EPN1: variants seen among roughly 807,000 people sequenced by gnomAD.
EPN1 encodes the protein epsin 1.
Under a neutral mutation model 56.9 loss-of-function variants are expected in EPN1, and 25 were observed. That is an observed-to-expected ratio of 0.44 (90% CI 0.32 to 0.61). The LOEUF (loss-of-function observed/expected upper bound fraction) is 0.61. EPN1 is among the 20% of genes least tolerant of loss of function. The probability of loss-of-function intolerance (pLI) is 0.05; values close to 1 mark genes in which losing one functional copy is unlikely to be tolerated. For missense variants in EPN1, 785 were observed against 823.7 expected (o/e 0.95, Z 0.58); for synonymous variants, 411 against 361.8 (o/e 1.14, Z -1.54).
intron 2 of EPN1, among the ~76,000 whole-genome samples, chr19:55,680,953 G>T (rs1193092840): frequency 2.0e-5 from 3 of 152,240 alleles, no homozygotes; most frequent in Non-Finnish European, 4.4e-5. Context: ...CCCAGGTGGT[G>T]GGTTGTGCAG....
chr19:55,677,458 A>G (rs1282169388), intron 1 of EPN1: 3 of 743,870 alleles, frequency 4.0e-6, no homozygotes, highest in Admixed American at 2.8e-5. Flanking sequence ...GGTTAATTTA[A>G]AAGTATGAGT....
intron 2 of EPN1, 71 bp downstream of exon 2, chr19:55,678,926 A>C: frequency 9.1e-7 from 1 of 1,096,444 alleles, no homozygotes. Flanking sequence ...CGTGTTGTGC[A>C]CCCTGCCTGG....
chr19:55,677,787 C>G, intron 1 of EPN1: 1 of 1,451,256 alleles, frequency 6.9e-7, no homozygotes, highest in Non-Finnish European at 9.1e-7. Flanking sequence ...GCCTTCTTTC[C>G]CATGTGTCCT....
Position 55,698,291 on chromosome 19 carries a change from C to G in EPN1, c.*2935C>G, listed in dbSNP as rs576619041. On this transcript the variant is annotated 3_prime_UTR_variant, in exon 11 of 11. Transcript: ENST00000270460. ...CTCAGGAGCAGATGTGCTTCTGACC[C>G]GACGTCTTCCCCCAGAGAGGGCTGA... The G allele has an allele frequency of 6.6e-6, 1 of 152,182 alleles. No individual in the cohort carries two copies. Among genetic ancestry groups the G allele is most frequent in the Admixed American group, 6.6e-5 (1 of 15,256 alleles). 9.4% of individuals were successfully genotyped at this position (152,182 alleles called of 1,614,324 possible).
At chr19:55,682,799 C>T (rs1437667410) in intron 2 of EPN1, among the ~76,000 whole-genome samples, 1 of 149,694 alleles carries the variant, frequency 6.7e-6, no homozygotes, top group Non-Finnish European at 1.5e-5. Flanking sequence ...CTGTGTTGCC[C>T]AGGCTGGAGT....
chr19:55,693,880 G>A (rs1005954840), intron 9 of EPN1, among the ~76,000 whole-genome samples: 2 of 152,048 alleles, frequency 1.3e-5, no homozygotes, highest in African/African-American at 4.8e-5. Flanking sequence ...ATACAAATGT[G>A]TGCATTTTTT....
chr19:55,695,440 G>GGGGGT lies in EPN1; in HGVS notation c.*88_*89insTGGGG. ...TCAGTGTTGTGAGTGCATGTGAAAT[G>GGGGGT]GGGGATCCCCACCCCCAGTGCCCTT... is the stretch of plus-strand genomic sequence containing the variant. On this transcript the variant is annotated 3_prime_UTR_variant, in exon 11 of 11. Coordinates refer to ENST00000270460, the MANE Select transcript of EPN1 (RefSeq NM_001130072.2). The surrounding 1 kb of genome is among the most constrained non-coding windows in gnomAD (Gnocchi z 4.4). 1 of 732,298 alleles carries GGGGGT rather than the reference G, an allele frequency of 1.4e-6. No individual in the cohort carries two copies. Among genetic ancestry groups the GGGGGT allele is most frequent in the Non-Finnish European group, 2.2e-6 (1 of 449,818 alleles). The allele number at this position is 732,298 out of a possible 1,614,324, so 45.4% of individuals were successfully genotyped here. A position where few individuals can be genotyped will look rare whatever the true frequency, so the allele number is the denominator to read the frequency against.
In EPN1 at chr19:55,705,827, A is replaced by ATATATATATATATATT. The variant is rs1568587466; in HGVS notation, c.*10472_*10473insATATATATATATATTT. The stretch of plus-strand genomic sequence containing the variant: ...TTGTGGGATATATATATATATATAT[A>ATATATATATATATATT]TTTAGAGTGTTGTGGGATATATATA... On this transcript the variant is annotated 3_prime_UTR_variant, in exon 11 of 11. Coordinates refer to ENST00000270460, the MANE Select transcript of EPN1 (RefSeq NM_001130072.2). 1.9e-4 allele frequency: 22 copies of ATATATATATATATATT among 118,228 alleles called. No individual in the cohort carries two copies. The highest frequency in any genetic ancestry group is 3.9e-5 in the African/African-American group (1 of 25,374). 7.3% of individuals were successfully genotyped at this position (118,228 alleles called of 1,614,324 possible). A position where few individuals can be genotyped will look rare whatever the true frequency, so the allele number is the denominator to read the frequency against.
rs1986977911 is a variant in EPN1 at position 55,698,067 on chromosome 19, A to AGG, written c.*2713_*2714dup. 1 of 123,934 alleles carries AGG rather than the reference A, an allele frequency of 8.1e-6. No homozygotes were observed. Among genetic ancestry groups the AGG allele is most frequent in the East Asian group, 2.6e-4 (1 of 3,796 alleles). The allele number at this position is 123,934 out of a possible 1,614,324, so 7.7% of individuals were successfully genotyped here. On this transcript the variant is annotated 3_prime_UTR_variant, in exon 11 of 11. Coordinates refer to ENST00000270460, the MANE Select transcript of EPN1 (RefSeq NM_001130072.2). ...GCAGGATTCTTGCTGAAGGCAGGCC[A>AGG]GGGTGATCAGAGGTCACCTGGGGAT...
At position 55,689,196 on chromosome 19, in the gene EPN1, C is replaced by T. The variant is rs1343920013; in HGVS notation, c.604-101C>T. 29 of 1,141,498 alleles carry T rather than the reference C, an allele frequency of 2.5e-5. No homozygotes were observed. Among genetic ancestry groups the T allele is most frequent in the Non-Finnish European group, 3.0e-5 (24 of 791,220 alleles). The allele number at this position is 1,141,498 out of a possible 1,614,324, so 70.7% of individuals were successfully genotyped here. On this transcript the variant is annotated intron_variant, in intron 4 of 10. Coordinates refer to ENST00000270460, the MANE Select transcript of EPN1 (RefSeq NM_001130072.2). This position sits in a 1 kb window ranked among gnomAD's most constrained non-coding sequence, Gnocchi z 5.7. ...TGCCTGTCCCTCACTGGTTCAGGGA[C>T]CCCCAGCCCTCTCTTTCTTCGGCTC... is the stretch of plus-strand genomic sequence containing the variant.
chr19:55,708,931 A>T lies in EPN1; in HGVS notation c.*13575A>T. On this transcript the variant is annotated 3_prime_UTR_variant, in exon 11 of 11. Transcript: ENST00000270460. The stretch of plus-strand genomic sequence containing the variant: ...TCCCCATCAGAGGAGCACACCCCTG[A>T]TCTTGTATTCCTCGTCAATCCAAGG... 15 of 1,561,656 alleles carry T rather than the reference A, an allele frequency of 9.6e-6. No individual in the cohort carries two copies. The highest frequency in any genetic ancestry group is 1.3e-5 in the Non-Finnish European group (15 of 1,161,270).
Position 55,707,825 on chromosome 19 carries a change from C to T in EPN1, c.*12469C>T, listed in dbSNP as rs189720608. On this transcript the variant is annotated 3_prime_UTR_variant, in exon 11 of 11. Coordinates refer to ENST00000270460, the MANE Select transcript of EPN1 (RefSeq NM_001130072.2). ...TGGTGTCTTTTGTCCTATGGAAACCCTTGTCCAGTCTTGAGTGTAAACTCG... is the reference window on the plus strand; with the variant it reads ...TGGTGTCTTTTGTCCTATGGAAACCTTTGTCCAGTCTTGAGTGTAAACTCG... 9 of 154,544 alleles carry T rather than the reference C, an allele frequency of 5.8e-5. No individual in the cohort carries two copies. Among genetic ancestry groups the T allele is most frequent in the African/African-American group, 1.7e-4 (7 of 41,672 alleles). The allele number at this position is 154,544 out of a possible 1,614,324, so 9.6% of individuals were successfully genotyped here.
rs1987516490 is a variant in EPN1 at position 55,708,064 on chromosome 19, A to G, written c.*12708A>G. On this transcript the variant is annotated 3_prime_UTR_variant, in exon 11 of 11. Transcript: ENST00000270460. Reference sequence around the variant, plus strand: ...AAGTAAAATTAAGCAAGTAAGTGCGAGCACTCTACATTGAAGATTATAGAA... The same window carrying G: ...AAGTAAAATTAAGCAAGTAAGTGCGGGCACTCTACATTGAAGATTATAGAA... 1 of 152,340 alleles carries G rather than the reference A, an allele frequency of 6.6e-6. No homozygotes were observed. The highest frequency in any genetic ancestry group is 6.5e-5 in the Admixed American group (1 of 15,290). The allele number at this position is 152,340 out of a possible 1,614,324, so 9.4% of individuals were successfully genotyped here. A position where few individuals can be genotyped will look rare whatever the true frequency, so the allele number is the denominator to read the frequency against.
chr19:55,689,016 C>T lies in EPN1; in HGVS notation c.603+22C>T. 1 of 1,575,752 alleles carries T rather than the reference C, an allele frequency of 6.3e-7. No homozygotes were observed. Among genetic ancestry groups the T allele is most frequent in the Non-Finnish European group, 8.6e-7 (1 of 1,163,930 alleles). ...CCAGGTACTGGGCGTGCAGCTGGGG[C>T]TGTCTGTCCGCCACCCGCCTCCACG... On this transcript the variant is annotated intron_variant, in intron 4 of 10. Transcript: ENST00000270460. The surrounding 1 kb of genome is among the most constrained non-coding windows in gnomAD (Gnocchi z 5.7).
At position 55,695,277 on chromosome 19, in the gene EPN1, C is replaced by T; in HGVS notation, c.1652C>T (p.Pro551Leu). 6.2e-6 allele frequency: 10 copies of T among 1,600,356 alleles called. No individual in the cohort carries two copies. The highest frequency in any genetic ancestry group is 1.7e-4 in the Middle Eastern group (1 of 6,054). ...VPGAPPTYIS[P>L]LGGGPGLPPM... Reference sequence around the variant, plus strand: ...GGAGCGCCACCCACGTACATCTCTCCCCTTGGCGGGGGCCCTGGCCTGCCC... The same window carrying T: ...GGAGCGCCACCCACGTACATCTCTCTCCTTGGCGGGGGCCCTGGCCTGCCC... The change falls in exon 11 of 11, where the codon CCC (proline) becomes CTC (leucine). Residue 551 changes from proline to leucine, a missense_variant. By Grantham distance (98) the Pro-to-Leu change is moderately conservative (BLOSUM62 -3). Around this residue, in one of 2 missense-constraint regions of EPN1, gnomAD observed 650 missense variants for 605.0 expected, o/e 1.07. Coordinates refer to ENST00000270460, the MANE Select transcript of EPN1 (RefSeq NM_001130072.2). The surrounding 1 kb of genome is among the most constrained non-coding windows in gnomAD (Gnocchi z 4.4).
chr19:55,693,103 T>C, intron 9 of EPN1, 66 bp downstream of exon 9: 2 of 1,498,604 alleles, frequency 1.3e-6, no homozygotes, highest in Non-Finnish European at 1.8e-6. Context: ...GGGAGCCCCG[T>C]CCCTTGCTGT....
intron 1 of EPN1, 55 bp from the exon 2 acceptor site, chr19:55,678,472 G>A (rs969553763): frequency 2.7e-6 from 4 of 1,476,762 alleles, no homozygotes; most frequent in African/African-American, 2.8e-5. Context: ...GACCCTGAGG[G>A]CTCTGGGCAG....
Position 55,689,401 on chromosome 19 carries a change from G to C in EPN1, c.678+30G>C. Reference sequence around the variant, plus strand: ...GAGCAGCCTCCCTGTCCCTGCCCCTGCCAGGGGCTCCCCTCAGACCAGCCC... The same window carrying C: ...GAGCAGCCTCCCTGTCCCTGCCCCTCCCAGGGGCTCCCCTCAGACCAGCCC... On this transcript the variant is annotated intron_variant, in intron 5 of 10. Transcript: ENST00000270460. The surrounding 1 kb of genome is among the most constrained non-coding windows in gnomAD (Gnocchi z 5.7). The C allele has an allele frequency of 6.5e-7, 1 of 1,529,168 alleles. No homozygotes were observed. The highest frequency in any genetic ancestry group is 8.9e-7 in the Non-Finnish European group (1 of 1,126,888). 94.7% of individuals were successfully genotyped at this position (1,529,168 alleles called of 1,614,324 possible). A position where few individuals can be genotyped will look rare whatever the true frequency, so the allele number is the denominator to read the frequency against.
At chr19:55,680,490 C>G (rs1336280072) in intron 2 of EPN1, among the ~76,000 whole-genome samples, 1 of 152,230 alleles carries the variant, frequency 6.6e-6, no homozygotes, top group Non-Finnish European at 1.5e-5. Context: ...CCCTGAACCA[C>G]TGGTTCCTCA....
Sources: gnomAD v4.1 joint callset for allele counts (sites outside exome capture counted in the v4.1 genomes callset) on GRCh38, gnomAD v4.1.1 for gene constraint, gnomAD v4.1.1 regional missense constraint, Gnocchi (gnomAD v3.1) non-coding constraint, MANE v1.5 for transcripts, NCBI Gene and HGNC (gene_info 2026-07-23, HGNC 2026-07-21) for gene names.